Variants in PHF19 observed in about 807,000 individuals in gnomAD.
The protein encoded by PHF19 is PHD finger protein 19, also known as polycomb like 3.
PHF19 carries 21 observed loss-of-function variants against 79.8 expected under a neutral mutation model. The ratio of observed to expected loss-of-function variants is 0.26; its 90% CI spans 0.19 to 0.38. The LOEUF (loss-of-function observed/expected upper bound fraction) is 0.38. Ranked by LOEUF, PHF19 falls within the 10% of genes least tolerant of loss-of-function variation. PHF19 has a pLI of 1.00. For synonymous variants in PHF19, 273 were observed against 296.3 expected, an observed-to-expected ratio of 0.92 and a Z score of 0.81; for missense variants, 445 against 744.2, an observed-to-expected ratio of 0.60 and a Z score of 4.68.
rs2045372581 is a variant in PHF19 at position 120,856,923 on chromosome 9, G to A, written c.*1021C>T. The A allele has an allele frequency of 6.5e-6, 1 of 152,688 alleles. No individual in the cohort carries two copies. The highest frequency in any genetic ancestry group is 6.5e-5 in the Admixed American group (1 of 15,288). The allele number at this position is 152,688 out of a possible 1,614,324, so 9.5% of individuals were successfully genotyped here. The stretch of plus-strand genomic sequence containing the variant: ...CAAGGGAGGAGCCAGCAGGCCCAGA[G>A]GGACGGTGTGGCTCTGTGTGTGTAC... On this transcript the variant is annotated 3_prime_UTR_variant, in exon 15 of 15. Transcript: ENST00000373896.
In PHF19 at chr9:120,874,850, G is replaced by A. The variant is rs2046002426; in HGVS notation, c.-15-94C>T. On this transcript the variant is annotated intron_variant, in intron 1 of 14. Coordinates refer to ENST00000373896, the MANE Select transcript of PHF19 (RefSeq NM_015651.3). This position sits in a 1 kb window ranked among gnomAD's most constrained non-coding sequence, Gnocchi z 4.5. The stretch of plus-strand genomic sequence containing the variant: ...GGAAACCACCATTTCTGTACCCTGT[G>A]CTATAAGCCAGACTTGGTTATTATC... 1 of 734,650 alleles carries A rather than the reference G, an allele frequency of 1.4e-6. No homozygotes were observed. The highest frequency in any genetic ancestry group is 2.3e-6 in the Non-Finnish European group (1 of 437,568). The allele number at this position is 734,650 out of a possible 1,614,324, so 45.5% of individuals were successfully genotyped here. A position where few individuals can be genotyped will look rare whatever the true frequency, so the allele number is the denominator to read the frequency against.
At position 120,857,712 on chromosome 9, in the gene PHF19, T is replaced by C. The variant is rs763098887; in HGVS notation, c.*232A>G. 95 of 492,946 alleles carry C rather than the reference T, an allele frequency of 1.9e-4. No homozygotes were observed. Among genetic ancestry groups the C allele is most frequent in the Non-Finnish European group, 3.2e-4 (88 of 278,718 alleles). The allele number at this position is 492,946 out of a possible 1,614,324, so 30.5% of individuals were successfully genotyped here. On this transcript the variant is annotated 3_prime_UTR_variant, in exon 15 of 15. Transcript: ENST00000373896. ...ACAGAGTTTGAGGGGGTGTGGAGTG[T>C]GTAGAGACACAGGCACAGGGGTAAC...
At chr9:120,868,867 CCCAAGGTCTAACCTT>C in intron 6 of PHF19, 2 of 1,117,420 alleles carry the variant, frequency 1.8e-6, no homozygotes, top group Non-Finnish European at 2.2e-6. Context: ...GAGGCCTCGC[CCCAAGGTCTAACCTT>C]CCGGGCCCGC....
chr9:120,861,604 C>G (rs555823537), intron 12 of PHF19, among the ~76,000 whole-genome samples: 1 of 152,294 alleles, frequency 6.6e-6, no homozygotes, highest in South Asian at 2.1e-4. Context: ...ACCCTGGTTC[C>G]AGGCTGGGCT....
At position 120,860,255 on chromosome 9, in the gene PHF19, G is replaced by A. The variant is rs763073993; in HGVS notation, c.1305-70C>T. On this transcript the variant is annotated intron_variant, in intron 13 of 14. Coordinates refer to ENST00000373896, the MANE Select transcript of PHF19 (RefSeq NM_015651.3). The surrounding 1 kb of genome is among the most constrained non-coding windows in gnomAD (Gnocchi z 4.1). The stretch of plus-strand genomic sequence containing the variant: ...AAGTTCCTGCCAACCTGGCCCGCAG[G>A]TTCCCCTAACATGCATCCTTCATCC... 4.9e-6 allele frequency: 4 copies of A among 823,284 alleles called. No individual in the cohort carries two copies. The highest frequency in any genetic ancestry group is 8.2e-6 in the Non-Finnish European group (4 of 486,444). 51.0% of individuals were successfully genotyped at this position (823,284 alleles called of 1,614,324 possible).
intron 1 of PHF19, among the ~76,000 whole-genome samples, chr9:120,886,308 G>T (rs2046261898): frequency 1.3e-5 from 2 of 152,250 alleles, no homozygotes; most frequent in African/African-American, 4.8e-5. Flanking sequence ...TGTGTGCAGG[G>T]AATCTGAACA....
intron 1 of PHF19, among the ~76,000 whole-genome samples, chr9:120,887,207 C>T (rs1268160075): frequency 6.6e-6 from 1 of 152,094 alleles, no homozygotes; most frequent in Non-Finnish European, 1.5e-5. Flanking sequence ...ATAATCCCAG[C>T]TCTTTGGGAG....
intron 1 of PHF19, among the ~76,000 whole-genome samples, chr9:120,876,637 C>A (rs1307369199): frequency 1.3e-5 from 2 of 152,166 alleles, no homozygotes; most frequent in African/African-American, 4.8e-5. Flanking sequence ...GCCGGGGCCT[C>A]TCCCAGGGCG....
intron 1 of PHF19, chr9:120,894,782 A>C: frequency 2.4e-6 from 3 of 1,227,260 alleles, no homozygotes; most frequent in Non-Finnish European, 3.0e-6. Context: ...GATCTCCCGG[A>C]CCCACCTGGG....
At chr9:120,903,820 G>A in the PHF19 span, 1 of 152,188 alleles carries the variant, frequency 6.6e-6, no homozygotes, top group Non-Finnish European at 1.5e-5. Context: ...AGAGAAGACT[G>A]GGGCTAAGAG....
Position 120,869,313 on chromosome 9 carries a change from C to T in PHF19, c.483G>A (p.Lys161=). The T allele has an allele frequency of 6.2e-7, 1 of 1,612,608 alleles. No individual in the cohort carries two copies. The highest frequency in any genetic ancestry group is 8.5e-7 in the Non-Finnish European group (1 of 1,179,754). The part of the protein sequence containing the change: ...ALAVRKGGAL[K]KGAIARTLQA... Reference sequence around the variant, plus strand: ...GCAGCGTCCTGGCGATGGCGCCCTTCTTCAGCGCGCCGCCTTTCTGGGGGG... The same window carrying T: ...GCAGCGTCCTGGCGATGGCGCCCTTTTTCAGCGCGCCGCCTTTCTGGGGGG... The change falls in exon 6 of 15, where the codon AAG becomes AAA. Residue 161 remains lysine (K), a synonymous_variant. Transcript: ENST00000373896. This position sits in a 1 kb window ranked among gnomAD's most constrained non-coding sequence, Gnocchi z 5.8.
At chr9:120,861,822 C>A in intron 12 of PHF19, 96 bp downstream of exon 12, 1 of 843,632 alleles carries the variant, frequency 1.2e-6, no homozygotes, top group South Asian at 1.3e-5. Context: ...ATGAGAGAGT[C>A]CTCTGGGCCT....
chr9:120,885,131 T>C (rs2131588873), intron 1 of PHF19, among the ~76,000 whole-genome samples: 1 of 152,242 alleles, frequency 6.6e-6, no homozygotes, highest in East Asian at 1.9e-4. Flanking sequence ...AGTAGGAGGA[T>C]TGCTTGAACC....
At position 120,866,057 on chromosome 9, in the gene PHF19, T is replaced by C. The variant is rs1158880240; in HGVS notation, c.750A>G (p.Pro250=). ...GCAGGGGCAGCCTCTCGATGTACTC[T>C]GGGCCCTGGTTACACACGGAGCAGA... ...LFFCSVCNQG[P]EYIERLPLRW... Residue 250 remains proline, a synonymous_variant, in exon 8 of 15, where the codon CCA becomes CCG. Transcript: ENST00000373896. The surrounding 1 kb of genome is among the most constrained non-coding windows in gnomAD (Gnocchi z 5.2). 6.2e-7 allele frequency: 1 copy of C among 1,613,828 alleles called. No individual in the cohort carries two copies. The highest frequency in any genetic ancestry group is 8.5e-7 in the Non-Finnish European group (1 of 1,179,924).
At chr9:120,899,553 T>A (rs1287432707), upstream of PHF19, among the ~76,000 whole-genome samples, 2 of 151,700 alleles carry the variant, frequency 1.3e-5, no homozygotes, top group African/African-American at 4.8e-5. Flanking sequence ...ACCCCCACAG[T>A]GGACAAAGCA....
At chr9:120,883,449 G>A (rs1350721485) in intron 1 of PHF19, among the ~76,000 whole-genome samples, 2 of 152,200 alleles carry the variant, frequency 1.3e-5, no homozygotes, top group Non-Finnish European at 2.9e-5. Context: ...ATAAGATGCA[G>A]CCTTTGATCT....
chr9:120,879,893 T>C (rs554018061), upstream of PHF19, among the ~76,000 whole-genome samples: 2 of 151,816 alleles, frequency 1.3e-5, no homozygotes, highest in South Asian at 4.1e-4. Context: ...TAGCCTAAAA[T>C]GTGAAAAGGT....
At chr9:120,888,846 C>G (rs1221192912) in intron 1 of PHF19, among the ~76,000 whole-genome samples, 1 of 152,188 alleles carries the variant, frequency 6.6e-6, no homozygotes, top group Non-Finnish European at 1.5e-5. Context: ...CTCCAAGGGT[C>G]CCCTCACCAC....
In PHF19 at chr9:120,862,060, G is replaced by T; in HGVS notation, c.1131-55C>A. ...CCCGTCAGAGCCTGAGGGCCCTAGG[G>T]TGGCCCAGAGGGAGGCGCCGCAGGG... is the stretch of plus-strand genomic sequence containing the variant. On this transcript the variant is annotated intron_variant, in intron 11 of 14. Transcript: ENST00000373896. This position sits in a 1 kb window ranked among gnomAD's most constrained non-coding sequence, Gnocchi z 4.6. 7.4e-7 allele frequency: 1 copy of T among 1,357,930 alleles called. No homozygotes were observed. The highest frequency in any genetic ancestry group is 1.1e-6 in the Non-Finnish European group (1 of 946,300). The allele number at this position is 1,357,930 out of a possible 1,614,324, so 84.1% of individuals were successfully genotyped here.
Sources: gnomAD v4.1 joint callset for allele counts (sites outside exome capture counted in the v4.1 genomes callset) on GRCh38, gnomAD v4.1.1 for gene constraint, Gnocchi (gnomAD v3.1) non-coding constraint, MANE v1.5 for transcripts, NCBI Gene and HGNC (gene_info 2026-07-23, HGNC 2026-07-21) for gene names.